The following RBBP7 variants were observed in gnomAD, a reference collection of about 807,000 sequenced individuals.
RBBP7 encodes RB binding protein 7, chromatin remodeling factor.
RBBP7 carries 5 observed loss-of-function variants against 35.2 expected under a neutral mutation model. The observed-to-expected ratio is 0.14, with a 90% CI of 0.07 to 0.30. The LOEUF (loss-of-function observed/expected upper bound fraction) is 0.30, where lower values mean the gene tolerates loss of function less well. Among genes scored for constraint, RBBP7 ranks in the 10% least tolerant of loss-of-function variants. The probability of loss-of-function intolerance (pLI) is 1.00; values close to 1 mark genes in which losing one functional copy is unlikely to be tolerated. For synonymous variants in RBBP7, 140 were observed against 118.7 expected (o/e 1.18, Z -1.17); for missense variants, 155 against 327.5 (o/e 0.47, Z 4.07).
chrX:16,863,240 T>G (rs756925870), intron 2 of RBBP7, 140 bp from the exon 3 acceptor site: 2 of 569,825 alleles, frequency 3.5e-6, no homozygotes, highest in African/African-American at 2.3e-5. Flanking sequence ...CTTCTCCCCC[T>G]CTGGTTACCA....
At chrX:16,849,324 G>T in intron 9 of RBBP7, 23 bp from the exon 10 acceptor site, 3 of 1,175,464 alleles carry the variant, frequency 2.6e-6, no homozygotes, top group Non-Finnish European at 3.5e-6. Flanking sequence ...AGAATATAAC[G>T]CTTTCATCAG....
intron 11 of RBBP7, 75 bp downstream of exon 11, chrX:16,845,753 T>C: frequency 1.8e-6 from 2 of 1,128,306 alleles, no homozygotes; most frequent in Non-Finnish European, 2.3e-6. Context: ...ATATTCGAAA[T>C]AACTTTATTA....
intron 2 of RBBP7, among the ~76,000 whole-genome samples, chrX:16,866,294 G>A (rs1281958319): frequency 4.6e-5 from 5 of 109,663 alleles, no homozygotes; most frequent in Non-Finnish European, 9.5e-5. Context: ...CTGGGAGGCC[G>A]AGGCGGGCGG....
chrX:16,859,812 A>G (rs1930425728), intron 3 of RBBP7, among the ~76,000 whole-genome samples: 1 of 111,422 alleles, frequency 9.0e-6, no homozygotes, highest in Non-Finnish European at 1.9e-5. Context: ...CGGGGCCTGG[A>G]GCAACCACCA....
intron 8 of RBBP7, 161 bp downstream of exon 8, chrX:16,852,390 T>C (rs778338277): frequency 1.4e-5 from 9 of 629,274 alleles, no homozygotes. Context: ...AGAAGCTTTT[T>C]AATTCTTCAA....
In RBBP7 at chrX:16,869,119, G is replaced by T; in HGVS notation, c.118C>A (p.Gln40Lys). Residue 40 changes from glutamine to lysine, a missense_variant, in exon 2 of 12, where the codon CAG becomes AAG. By Grantham distance (53) the Gln-to-Lys change is moderately conservative (BLOSUM62 1). This residue lies in a region of RBBP7 where 59 missense variants were observed against 90.4 expected (regional missense o/e 0.65). Coordinates refer to ENST00000380087, the MANE Select transcript of RBBP7 (RefSeq NM_002893.4). ...LYDLVMTHALQWPSLTVQWLP... is the reference protein window; with the variant it reads ...LYDLVMTHALKWPSLTVQWLP... ...CACTGAACGGTAAGACTGGGCCACT[G>T]AAGAGCATGGGTCATAACCAGGTCA... is the stretch of plus-strand genomic sequence containing the variant. The T allele has an allele frequency of 8.3e-7, 1 of 1,211,475 alleles. No individual in the cohort carries two copies. Among genetic ancestry groups the T allele is most frequent in the Non-Finnish European group, 1.1e-6 (1 of 895,131 alleles).
Position 16,845,077 on chromosome X carries a change from C to G in RBBP7, c.1236G>C (p.Glu412Asp). 1 of 1,209,311 alleles carries G rather than the reference C, an allele frequency of 8.3e-7. No individual in the cohort carries two copies. Among genetic ancestry groups the G allele is most frequent in the Non-Finnish European group, 1.1e-6 (1 of 893,467 alleles). ...QMAENIYNDE[E>D]SDVTTSELEG... ...CCAGTTCGGATGTCGTGACATCTGA[C>G]TCTTCATCATTGTAAATATTTTCAG... The change falls in exon 12 of 12, where the codon GAG (glutamate) becomes GAC (aspartate). Residue 412 changes from glutamate to aspartate, a missense_variant. Transcript: ENST00000380087.
chrX:16,861,402 G>A (rs1223421286), intron 3 of RBBP7, among the ~76,000 whole-genome samples: 1 of 111,802 alleles, frequency 8.9e-6, no homozygotes, highest in African/African-American at 3.3e-5. Flanking sequence ...TCAGGGTGGA[G>A]TGCAGTGGTG....
At chrX:16,845,371 C>T (rs1243803084) in intron 11 of RBBP7, among the ~76,000 whole-genome samples, 1 of 111,990 alleles carries the variant, frequency 8.9e-6, no homozygotes, top group Admixed American at 9.5e-5. Context: ...CTTCAAGCAT[C>T]GTTTAGAGGA....
chrX:16,869,896 T>A, intron 1 of RBBP7, 142 bp downstream of exon 1: 1 of 784,379 alleles, frequency 1.3e-6, no homozygotes, highest in Non-Finnish European at 1.5e-6. Context: ...CGCAGGCCCC[T>A]CGAGGCGCGC....
intron 2 of RBBP7, among the ~76,000 whole-genome samples, chrX:16,863,609 C>T (rs1325174462): frequency 1.8e-5 from 2 of 112,476 alleles, no homozygotes. Context: ...AATCCTGGAT[C>T]AAACTAAAAT....
chrX:16,848,961 C>T (rs1930150756), intron 10 of RBBP7: 3 of 242,679 alleles, frequency 1.2e-5, no homozygotes, highest in African/African-American at 8.5e-5. Flanking sequence ...ACTCCCCATC[C>T]CCAAACCATC....
Position 16,858,850 on chromosome X carries a change from C to T in RBBP7, c.308-1G>A. ...GTTACAGAACCAAAGCCACCAAATT[C>T]TAATGTGAGGAGAAAGAAACACACA... On this transcript the variant is annotated splice_acceptor_variant, in intron 3 of 11. Transcript: ENST00000380087. LOFTEE classifies it high-confidence loss of function. 1 of 1,209,601 alleles carries T rather than the reference C, an allele frequency of 8.3e-7. No homozygotes were observed. Among genetic ancestry groups the T allele is most frequent in the Non-Finnish European group, 1.1e-6 (1 of 894,233 alleles).
At chrX:16,861,362 T>G (rs1930473206) in intron 3 of RBBP7, among the ~76,000 whole-genome samples, 1 of 111,653 alleles carries the variant, frequency 9.0e-6, no homozygotes, top group Non-Finnish European at 1.9e-5. Flanking sequence ...GAGAATGTAG[T>G]ATTTTTGAGA....
chrX:16,864,258 G>A (rs1308835084), intron 2 of RBBP7, among the ~76,000 whole-genome samples: 1 of 110,695 alleles, frequency 9.0e-6, no homozygotes. Flanking sequence ...CGTGGCTCAC[G>A]CCTGTAATCC....
rs779380972 is a variant in RBBP7, at chrX:16,845,003, C to T, written c.*32G>A. On this transcript the variant is annotated 3_prime_UTR_variant, in exon 12 of 12. Coordinates refer to ENST00000380087, the MANE Select transcript of RBBP7 (RefSeq NM_002893.4). ...TAAATCAAGCATTCATGTAGCATTACATTCAACAGAAACATTTCTCGTACT... is the reference window on the plus strand; with the variant it reads ...TAAATCAAGCATTCATGTAGCATTATATTCAACAGAAACATTTCTCGTACT... The T allele has an allele frequency of 2.6e-6, 3 of 1,170,172 alleles. No homozygotes were observed. Among genetic ancestry groups the T allele is most frequent in the Admixed American group, 2.2e-5 (1 of 45,467 alleles).
At chrX:16,861,975 T>C in intron 3 of RBBP7, among the ~76,000 whole-genome samples, 1 of 112,002 alleles carries the variant, frequency 8.9e-6, no homozygotes, top group African/African-American at 3.2e-5. Context: ...GGTCCTCAGT[T>C]TGTATTACTG....
At chrX:16,869,733 T>C in intron 1 of RBBP7, 1 of 960,310 alleles carries the variant, frequency 1.0e-6, no homozygotes, top group Non-Finnish European at 1.3e-6. Flanking sequence ...CGGCGCTCGC[T>C]TCCCAGCGGC....
At chrX:16,866,302 C>T (rs949702591) in intron 2 of RBBP7, among the ~76,000 whole-genome samples, 2 of 109,269 alleles carry the variant, frequency 1.8e-5, no homozygotes, top group Middle Eastern at 4.7e-3. Context: ...CCGAGGCGGG[C>T]GGATCACGAG....
Sources: gnomAD v4.1 joint callset for allele counts (sites outside exome capture counted in the v4.1 genomes callset) on GRCh38, gnomAD v4.1.1 for gene constraint, gnomAD v4.1.1 regional missense constraint, MANE v1.5 for transcripts, NCBI Gene and HGNC (gene_info 2026-07-23, HGNC 2026-07-21) for gene names.